Variants in POLDIP3 observed in about 807,000 individuals in gnomAD.
POLDIP3 encodes the protein polymerase delta-interacting protein 3.
Under a neutral mutation model 45.1 loss-of-function variants are expected in POLDIP3, and 14 were observed. The ratio of observed to expected loss-of-function variants is 0.31; its 90% CI spans 0.20 to 0.49. The LOEUF (loss-of-function observed/expected upper bound fraction) is 0.49. Among genes scored for constraint, POLDIP3 ranks in the 20% least tolerant of loss-of-function variants. POLDIP3 has a pLI of 0.99. For missense variants in POLDIP3, 511 were observed against 538.8 expected (o/e 0.95, Z 0.51); for synonymous variants, 223 against 205.2 (o/e 1.09, Z -0.74).
At position 42,614,824 on chromosome 22, in the gene POLDIP3, T is replaced by C; in HGVS notation, c.34A>G (p.Lys12Glu). Residue 12 changes from lysine to glutamate, a missense_variant, in exon 1 of 9, where the codon AAG (lysine) becomes GAG (glutamate). Physicochemically the swap from Lys to Glu is moderately conservative, Grantham distance 56. This residue lies in a region of POLDIP3 where 378 missense variants were observed against 352.3 expected (regional missense o/e 1.07). Transcript: ENST00000252115. Reference protein sequence around the residue: ...ADISLDELIRKRGAAAKGRLN... With the variant: ...ADISLDELIRERGAAAKGRLN... ...CGTCCTTTCGCCGCCGCCCCGCGCTTCCTGATGAGTTCGTCCAGGGAGATG... is the reference window on the plus strand; with the variant it reads ...CGTCCTTTCGCCGCCGCCCCGCGCTCCCTGATGAGTTCGTCCAGGGAGATG... 1 of 1,614,046 alleles carries C rather than the reference T, an allele frequency of 6.2e-7. No individual in the cohort carries two copies. Among genetic ancestry groups the C allele is most frequent in the Non-Finnish European group, 8.5e-7 (1 of 1,179,942 alleles).
At chr22:42,591,226 T>A (rs891766652) in intron 7 of POLDIP3, among the ~76,000 whole-genome samples, 1 of 152,006 alleles carries the variant, frequency 6.6e-6, no homozygotes, top group East Asian at 1.9e-4. Context: ...TTTAATGACA[T>A]ACAAATGGCC....
In POLDIP3 at chr22:42,585,125, C is replaced by G. The variant is rs1425500945; in HGVS notation, c.*666G>C. On this transcript the variant is annotated 3_prime_UTR_variant, in exon 9 of 9. Transcript: ENST00000252115. ...GGAAAGGTGAACTCTGGAGAACTTC[C>G]TCTGGGTGGAGACGACACGGGACTC... 6 of 438,808 alleles carry G rather than the reference C, an allele frequency of 1.4e-5. No individual in the cohort carries two copies. Among genetic ancestry groups the G allele is most frequent in the Admixed American group, 1.0e-4 (4 of 39,680 alleles). The allele number at this position is 438,808 out of a possible 1,614,324, so 27.2% of individuals were successfully genotyped here. A position where few individuals can be genotyped will look rare whatever the true frequency, so the allele number is the denominator to read the frequency against.
At position 42,592,524 on chromosome 22, in the gene POLDIP3, T is replaced by A. The variant is rs112714976; in HGVS notation, c.892-440A>T. Among the ~76,000 whole-genome samples, 445 of 152,350 alleles carry A rather than the reference T, an allele frequency of 2.9e-3. 2 individuals are homozygous for A. Among genetic ancestry groups the A allele is most frequent in the African/African-American group, 9.9e-3 (410 of 41,592 alleles). The stretch of plus-strand genomic sequence containing the variant: ...CCTGGTTTGGCTGGACTGAAGGGTT[T>A]CCCTGGACATGAGACTTTGAGTGAT... On this transcript the variant is annotated intron_variant, in intron 6 of 8. Coordinates refer to ENST00000252115, the MANE Select transcript of POLDIP3 (RefSeq NM_032311.5).
chr22:42,598,772 C>G (rs924747943), intron 4 of POLDIP3, among the ~76,000 whole-genome samples: 1 of 152,176 alleles, frequency 6.6e-6, no homozygotes, highest in Non-Finnish European at 1.5e-5. Context: ...GAAGGAAAAA[C>G]AAAAGAGGTG....
At chr22:42,602,155 T>C in intron 2 of POLDIP3, 99 bp from the exon 3 acceptor site, 1 of 1,582,512 alleles carries the variant, frequency 6.3e-7, no homozygotes, top group Non-Finnish European at 8.6e-7. Flanking sequence ...GCATGCAGCT[T>C]TGGTCTTTGG....
chr22:42,611,121 A>T (rs1432844268), intron 1 of POLDIP3, among the ~76,000 whole-genome samples: 1 of 152,136 alleles, frequency 6.6e-6, no homozygotes, highest in Non-Finnish European at 1.5e-5. Flanking sequence ...GAATCTTTTA[A>T]TAATTAATTG....
chr22:42,608,472 A>G (rs2146834436), intron 1 of POLDIP3, among the ~76,000 whole-genome samples: 1 of 152,154 alleles, frequency 6.6e-6, no homozygotes, highest in South Asian at 2.1e-4. Flanking sequence ...ACCAAAACAA[A>G]AAGAAACAAT....
rs139999140 is a variant in POLDIP3, at chr22:42,602,048, C to T, written c.459G>A (p.Gln153=). The change falls in exon 3 of 9, where the codon CAG becomes CAA. Residue 153 remains glutamine (Q), a synonymous_variant. Transcript: ENST00000252115. Reference sequence around the variant, plus strand: ...GATGAAGTGGTGCCATGGCTTTCTGCTGTGGAACCTGGAAACACTCAGTGG... The same window carrying T: ...GATGAAGTGGTGCCATGGCTTTCTGTTGTGGAACCTGGAAACACTCAGTGG... ...LKLTKTIQVP[Q]QKAMAPLHPH... The T allele has an allele frequency of 1.1e-4, 183 of 1,614,156 alleles. No individual in the cohort carries two copies. In the African/African-American group the frequency reaches 2.0e-3, roughly 18 times the overall value.
chr22:42,605,568 T>TA (rs1926672334), intron 1 of POLDIP3, among the ~76,000 whole-genome samples: 1 of 152,222 alleles, frequency 6.6e-6, no homozygotes, highest in Non-Finnish European at 1.5e-5. Context: ...GGGTTCTGGG[T>TA]AGAAGGGTCA....
rs755100807 is a variant in POLDIP3, at chr22:42,587,538, C to T, written c.1056G>A (p.Gly352=). 2 of 1,614,130 alleles carry T rather than the reference C, an allele frequency of 1.2e-6. No individual in the cohort carries two copies. The highest frequency in any genetic ancestry group is 2.2e-5 in the South Asian group (2 of 91,082). ...QPMKCNLHMN[G]NVITSDQPIL... is the part of the protein sequence containing the mutation. The stretch of plus-strand genomic sequence containing the variant: ...TGGGCTGGTCTGAGGTGATAACATT[C>T]CCATTCATGTGAAGGTTGCACTTCA... Residue 352 remains glycine, a synonymous_variant, in exon 8 of 9, where the codon GGG becomes GGA. Transcript: ENST00000252115.
chr22:42,587,757 G>A (rs1245314171), intron 7 of POLDIP3, among the ~76,000 whole-genome samples, 185 bp from the exon 8 acceptor site: 1 of 152,180 alleles, frequency 6.6e-6, no homozygotes, highest in Non-Finnish European at 1.5e-5. Context: ...CAGGGCGTGA[G>A]GAAACCTCAG....
chr22:42,594,988 G>C (rs112698519), intron 6 of POLDIP3, among the ~76,000 whole-genome samples: 9 of 152,312 alleles, frequency 5.9e-5, no homozygotes, highest in African/African-American at 2.2e-4. Context: ...AAGCTGTGCA[G>C]AAGAGTGAAG....
In POLDIP3 at chr22:42,596,384, A is replaced by G. The variant is rs1157641155; in HGVS notation, c.634-19T>C. On this transcript the variant is annotated intron_variant, in intron 4 of 8. Transcript: ENST00000252115. ...GCCCAGCCTAAACGAAGAGACAGAAAAGAATCTGAGAAGCCAGACCTGCAA... is the reference window on the plus strand; with the variant it reads ...GCCCAGCCTAAACGAAGAGACAGAAGAGAATCTGAGAAGCCAGACCTGCAA... The G allele has an allele frequency of 9.3e-6, 15 of 1,610,170 alleles. No individual in the cohort carries two copies. Among genetic ancestry groups the G allele is most frequent in the African/African-American group, 1.3e-5 (1 of 74,676 alleles).
At chr22:42,605,023 T>C (rs1331707939) in intron 1 of POLDIP3, among the ~76,000 whole-genome samples, 1 of 152,190 alleles carries the variant, frequency 6.6e-6, no homozygotes, top group African/African-American at 2.4e-5. Context: ...AAAAAGACCA[T>C]CTACAACCAG....
At chr22:42,598,444 G>A (rs1051490233) in intron 4 of POLDIP3, among the ~76,000 whole-genome samples, 1 of 151,760 alleles carries the variant, frequency 6.6e-6, no homozygotes, top group Non-Finnish European at 1.5e-5. Flanking sequence ...GTAGAGACGG[G>A]GTTTCACCAT....
At chr22:42,593,124 G>A (rs1925771233) in intron 6 of POLDIP3, among the ~76,000 whole-genome samples, 1 of 152,130 alleles carries the variant, frequency 6.6e-6, no homozygotes, top group Admixed American at 6.5e-5. Context: ...ATCATCTCTA[G>A]ATTACTTATA....
chr22:42,599,995 C>A (rs1390478717), intron 3 of POLDIP3, among the ~76,000 whole-genome samples: 1 of 152,112 alleles, frequency 6.6e-6, no homozygotes, highest in Admixed American at 6.5e-5. Context: ...CAGTGAAAGT[C>A]CTACAACTTC....
At position 42,602,957 on chromosome 22, in the gene POLDIP3, T is replaced by C. The variant is rs749030790; in HGVS notation, c.263A>G (p.Lys88Arg). The stretch of plus-strand genomic sequence containing the variant: ...CTCTCTGGCATCCTGCACTTTCCCT[T>C]TGATTCGAAATCGGGCATCTTTCTG... ...LLQKDARFRI[K>R]GKVQDAREML... The change falls in exon 2 of 9, where the codon AAA becomes AGA. Residue 88 changes from lysine (K) to arginine (R), a missense_variant. Lys to Arg is a conservative substitution (Grantham distance 26). This residue lies in a region of POLDIP3 where 378 missense variants were observed against 352.3 expected (regional missense o/e 1.07). Transcript: ENST00000252115. 5 of 1,613,968 alleles carry C rather than the reference T, an allele frequency of 3.1e-6. No homozygotes were observed. The African/African-American group carries it at 5.3e-5, about 17-fold the overall frequency.
Position 42,585,122 on chromosome 22 carries a change from T to C in POLDIP3, c.*669A>G, listed in dbSNP as rs1027398319. 3 of 437,510 alleles carry C rather than the reference T, an allele frequency of 6.9e-6. No homozygotes were observed. The highest frequency in any genetic ancestry group is 6.1e-5 in the African/African-American group (3 of 49,290). The allele number at this position is 437,510 out of a possible 1,614,324, so 27.1% of individuals were successfully genotyped here. A position where few individuals can be genotyped will look rare whatever the true frequency, so the allele number is the denominator to read the frequency against. ...AAGGGAAAGGTGAACTCTGGAGAAC[T>C]TCCTCTGGGTGGAGACGACACGGGA... On this transcript the variant is annotated 3_prime_UTR_variant, in exon 9 of 9. Coordinates refer to ENST00000252115, the MANE Select transcript of POLDIP3 (RefSeq NM_032311.5).
Sources: allele counts gnomAD v4.1 joint callset (sites outside exome capture counted in the v4.1 genomes callset), GRCh38; gene constraint gnomAD v4.1.1; regional missense constraint gnomAD v4.1.1; transcripts MANE v1.5; gene names NCBI Gene and HGNC (gene_info 2026-07-23, HGNC 2026-07-21).